Variants in RASEF observed in about 807,000 individuals in gnomAD.
The protein encoded by RASEF is RAS and EF-hand domain containing.
RASEF carries 68 observed loss-of-function variants against 90.1 expected under a neutral mutation model. The observed-to-expected ratio is 0.75, with a 90% CI of 0.62 to 0.92. The LOEUF is 0.92. Ranked by LOEUF, RASEF falls within the 40% of genes least tolerant of loss-of-function variation. RASEF has a pLI of 0.00. For synonymous variants in RASEF, 331 were observed against 345.2 expected (o/e 0.96, Z 0.46); for missense variants, 949 against 937.2 (o/e 1.01, Z -0.16).
At chr9:83,158,427 A>C in the RASEF span, among the ~76,000 whole-genome samples, 1 of 151,590 alleles carries the variant, frequency 6.6e-6, no homozygotes, top group Non-Finnish European at 1.5e-5. Context: ...TTTATGAGGG[A>C]GAAATGTACT....
chr9:83,071,016 A>T, the RASEF span, among the ~76,000 whole-genome samples: 1 of 152,182 alleles, frequency 6.6e-6, no homozygotes, highest in African/African-American at 2.4e-5. Context: ...TGGCTGTTTT[A>T]TAGAATTCTT....
the RASEF span, among the ~76,000 whole-genome samples, chr9:83,211,898 A>C: frequency 2.6e-5 from 4 of 152,314 alleles, no homozygotes; most frequent in African/African-American, 9.6e-5. Flanking sequence ...CAGCTTTCTC[A>C]CTGTAAACAA....
At chr9:83,009,010 C>T (rs1038593889) in intron 6 of RASEF, among the ~76,000 whole-genome samples, 1 of 142,874 alleles carries the variant, frequency 7.0e-6, no homozygotes, top group Admixed American at 7.2e-5. Context: ...AGTTCAGAGA[C>T]TTGTATGTAG....
At chr9:83,034,128 C>T (rs986954142) in intron 1 of RASEF, among the ~76,000 whole-genome samples, 2 of 152,188 alleles carry the variant, frequency 1.3e-5, no homozygotes, top group African/African-American at 2.4e-5. Context: ...AAGTTTAAGT[C>T]TTGCTTTCTA....
chr9:83,217,776 C>T, the RASEF span, among the ~76,000 whole-genome samples: 2 of 152,086 alleles, frequency 1.3e-5, no homozygotes, highest in African/African-American at 4.8e-5. Flanking sequence ...TCGGTTTCCT[C>T]ATTCATAAAA....
chr9:83,136,210 G>A, the RASEF span, among the ~76,000 whole-genome samples: 1 of 151,972 alleles, frequency 6.6e-6, no homozygotes, highest in Non-Finnish European at 1.5e-5. Context: ...ATTCTTTATA[G>A]TTACAATCAT....
the RASEF span, among the ~76,000 whole-genome samples, chr9:83,127,863 T>C: frequency 6.6e-6 from 1 of 152,182 alleles, no homozygotes; most frequent in Non-Finnish European, 1.5e-5. Flanking sequence ...TAATTCTTCA[T>C]GCATTTCAAC....
chr9:83,132,865 A>C, the RASEF span, among the ~76,000 whole-genome samples: 1 of 152,342 alleles, frequency 6.6e-6, no homozygotes. Flanking sequence ...ATGGTAATAA[A>C]TTGAAGAACA....
the RASEF span, among the ~76,000 whole-genome samples, chr9:83,122,566 G>A: frequency 1.3e-5 from 2 of 152,280 alleles, no homozygotes; most frequent in Admixed American, 6.5e-5. Context: ...GTGAGAGAGC[G>A]GGAGGTACCT....
the RASEF span, among the ~76,000 whole-genome samples, chr9:83,210,664 A>G: frequency 1.3e-5 from 2 of 152,314 alleles, no homozygotes; most frequent in East Asian, 3.9e-4. Context: ...TTCTTTACTC[A>G]TGCTTATTAT....
the RASEF span, among the ~76,000 whole-genome samples, chr9:83,147,038 ATG>A: frequency 1.9e-5 from 1 of 51,744 alleles, no homozygotes; most frequent in African/African-American, 7.7e-5. Context: ...GTATATATAT[ATG>A]TATATATATA....
the RASEF span, among the ~76,000 whole-genome samples, chr9:83,087,644 G>A: frequency 4.6e-5 from 7 of 151,624 alleles, no homozygotes; most frequent in African/African-American, 1.7e-4. Flanking sequence ...TGATTTTATT[G>A]AGTCTTGTCT....
intron 1 of RASEF, chr9:83,048,803 C>G: frequency 1.0e-6 from 1 of 959,694 alleles, no homozygotes; most frequent in African/African-American, 1.8e-5. Context: ...TAGAATATTT[C>G]TCATACTTGA....
At chr9:83,055,734 C>CTCACATCAATTTATT in intron 1 of RASEF, 1 of 702,222 alleles carries the variant, frequency 1.4e-6, no homozygotes, top group East Asian at 2.7e-5. Flanking sequence ...TTGGAATGAG[C>CTCACATCAATTTATT]TCACATCAAT....
At chr9:83,068,986 A>G in the RASEF span, among the ~76,000 whole-genome samples, 3 of 152,180 alleles carry the variant, frequency 2.0e-5, no homozygotes, top group Non-Finnish European at 4.4e-5. Flanking sequence ...AATATTGTCC[A>G]ACTGATAATA....
At chr9:83,048,293 C>T (rs567424518) in intron 1 of RASEF, 34 of 985,202 alleles carry the variant, frequency 3.5e-5, no homozygotes, top group Non-Finnish European at 3.7e-5. Context: ...GGCATGAAGG[C>T]GTCACTTCTC....
Position 83,000,307 on chromosome 9 carries a change from C to G in RASEF, c.1585G>C (p.Val529Leu). 6.2e-7 allele frequency: 1 copy of G among 1,613,686 alleles called. No homozygotes were observed. Among genetic ancestry groups the G allele is most frequent in the Non-Finnish European group, 8.5e-7 (1 of 1,179,868 alleles). Residue 529 changes from valine (V) to leucine (L), a missense_variant, in exon 12 of 17, where the codon GTA becomes CTA. Val to Leu is a conservative substitution (Grantham distance 32). Coordinates refer to ENST00000376447, the MANE Select transcript of RASEF (RefSeq NM_152573.4). Reference sequence around the variant, plus strand: ...CTAAAAGATTTAGCGTTGTCATCTACCAGGTCTGTCTGGGGGGAAAAGCCA... The same window carrying G: ...CTAAAAGATTTAGCGTTGTCATCTAGCAGGTCTGTCTGGGGGGAAAAGCCA... ...ISALSPQTDL[V>L]DDNAKSFSSQ... is the part of the protein sequence containing the mutation.
chr9:83,182,612 G>A, the RASEF span, among the ~76,000 whole-genome samples: 1 of 152,104 alleles, frequency 6.6e-6, no homozygotes, highest in South Asian at 2.1e-4. Flanking sequence ...TACATCATCA[G>A]AATTAGTGTA....
At chr9:83,089,941 G>C in the RASEF span, among the ~76,000 whole-genome samples, 3,723 of 137,234 alleles carry the variant, frequency 0.027, 78 homozygotes, top group Non-Finnish European at 0.039. Context: ...TAGATAGATA[G>C]ATAGATATAG....
Sources: allele counts gnomAD v4.1 joint callset (sites outside exome capture counted in the v4.1 genomes callset), GRCh38; gene constraint gnomAD v4.1.1; transcripts MANE v1.5; gene names NCBI Gene and HGNC (gene_info 2026-07-23, HGNC 2026-07-21).